The following METAP1D variants were observed in gnomAD, a reference collection of about 807,000 sequenced individuals.
The protein encoded by METAP1D is methionine aminopeptidase 1D, mitochondrial.
METAP1D carries 31 observed loss-of-function variants against 40.5 expected under a neutral mutation model. The ratio of observed to expected loss-of-function variants is 0.77; its 90% confidence interval spans 0.58 to 1.03. The LOEUF is 1.03. Among genes scored for constraint, METAP1D ranks in the 50% least tolerant of loss-of-function variants. The pLI is 0.00. For synonymous variants in METAP1D, 151 were observed against 146.4 expected, an observed-to-expected ratio of 1.03 and a Z score of -0.22; for missense variants, 411 against 420.7, an observed-to-expected ratio of 0.98 and a Z score of 0.20.
At chr2:172,054,037 C>A (rs1452210627) in intron 1 of METAP1D, among the ~76,000 whole-genome samples, 1 of 152,112 alleles carries the variant, frequency 6.6e-6, no homozygotes, top group Non-Finnish European at 1.5e-5. Flanking sequence ...CTCACATTTT[C>A]AGGGATAAAA....
At chr2:172,079,757 C>T (rs983324935) in intron 8 of METAP1D, among the ~76,000 whole-genome samples, 11 of 152,104 alleles carry the variant, frequency 7.2e-5, no homozygotes, top group Non-Finnish European at 1.5e-4. Context: ...ATGAACATCT[C>T]GAGCATGTTT....
chr2:172,075,922 C>T (rs111405792), intron 6 of METAP1D, among the ~76,000 whole-genome samples: 3 of 152,200 alleles, frequency 2.0e-5, no homozygotes, highest in Non-Finnish European at 2.9e-5. Context: ...TTCTATGATA[C>T]TCCTGGAGCC....
intron 2 of METAP1D, 142 bp from the exon 3 acceptor site, chr2:172,063,569 G>A (rs1690181709): frequency 1.5e-6 from 1 of 662,864 alleles, no homozygotes; most frequent in Admixed American, 2.8e-5. Flanking sequence ...GGGCAGCCTG[G>A]AGGGTCTGTT....
rs985244631 is a variant in METAP1D at position 172,081,165 on chromosome 2, T to TC, written c.*765dup. ...AGTCCAGAGGTGAAGTTTGAGGCCC[T>TC]CCCCCCACCCACCCCACACGCACGC... is the stretch of plus-strand genomic sequence containing the variant. On this transcript the variant is annotated 3_prime_UTR_variant, in exon 10 of 10. Coordinates refer to ENST00000315796, the MANE Select transcript of METAP1D (RefSeq NM_199227.3). 2 of 112,260 alleles carry TC rather than the reference T, an allele frequency of 1.8e-5. No individual in the cohort carries two copies. Among genetic ancestry groups the TC allele is most frequent in the African/African-American group, 6.7e-5 (2 of 29,772 alleles). The allele number at this position is 112,260 out of a possible 1,614,324, so 7.0% of individuals were successfully genotyped here.
rs183027844 is a variant in METAP1D, at chr2:172,006,605, G to A, written c.40+6596G>A. ...ATGGGAGAAGTACTATGTGTATGCAGAACTTCATTTGAACAACATCTAGTT... is the reference window on the plus strand; with the variant it reads ...ATGGGAGAAGTACTATGTGTATGCAAAACTTCATTTGAACAACATCTAGTT... On this transcript the variant is annotated intron_variant, in intron 1 of 9. Coordinates refer to ENST00000315796, the MANE Select transcript of METAP1D (RefSeq NM_199227.3). Among the ~76,000 whole-genome samples, 365 of 152,320 alleles carry A rather than the reference G, an allele frequency of 2.4e-3. 1 individual carries two copies. Among genetic ancestry groups the A allele is most frequent in the Middle Eastern group, 0.01 (3 of 294 alleles).
intron 7 of METAP1D, among the ~76,000 whole-genome samples, chr2:172,078,141 G>T (rs888607520): frequency 6.6e-6 from 1 of 152,164 alleles, no homozygotes; most frequent in Non-Finnish European, 1.5e-5. Flanking sequence ...TTCTCCTGAA[G>T]GGTGCATGGC....
At chr2:172,009,166 G>C (rs1449258306) in intron 1 of METAP1D, among the ~76,000 whole-genome samples, 1 of 151,620 alleles carries the variant, frequency 6.6e-6, no homozygotes, top group East Asian at 1.9e-4. Flanking sequence ...TCAGCCTCCC[G>C]AGTAGCTGGG....
At chr2:172,007,181 T>C (rs1019041674) in intron 1 of METAP1D, among the ~76,000 whole-genome samples, 2 of 128,170 alleles carry the variant, frequency 1.6e-5, no homozygotes, top group South Asian at 2.8e-4. Context: ...TTTTTTTTTT[T>C]TTTTTAAGAG....
chr2:172,053,204 T>C (rs1689926749), intron 1 of METAP1D, among the ~76,000 whole-genome samples: 1 of 152,224 alleles, frequency 6.6e-6, no homozygotes, highest in Non-Finnish European at 1.5e-5. Context: ...AGTGTTCTCA[T>C]GGACTTGAAG....
At position 172,058,333 on chromosome 2, in the gene METAP1D, C is replaced by T. The variant is rs118077889; in HGVS notation, c.41-3165C>T. The stretch of plus-strand genomic sequence containing the variant: ...TTCTTATTTCAATTCTCACCTGAGA[C>T]TGAAATGAAGAAACTTGTGCAGGGC... On this transcript the variant is annotated intron_variant, in intron 1 of 9. Coordinates refer to ENST00000315796, the MANE Select transcript of METAP1D (RefSeq NM_199227.3). Among the ~76,000 whole-genome samples the T allele has an allele frequency of 7.4e-3, 1,129 of 152,292 alleles. 15 individuals carry two copies. Among genetic ancestry groups the T allele is most frequent in the East Asian group, 0.033 (170 of 5,190 alleles).
chr2:172,048,370 C>A (rs1689807785), intron 1 of METAP1D, among the ~76,000 whole-genome samples: 1 of 152,168 alleles, frequency 6.6e-6, no homozygotes, highest in African/African-American at 2.4e-5. Context: ...GAGTGCTTAC[C>A]TTATGCCACT....
intron 1 of METAP1D, among the ~76,000 whole-genome samples, chr2:172,037,401 T>C (rs529619444): frequency 4.7e-4 from 71 of 152,038 alleles, no homozygotes; most frequent in South Asian, 3.3e-3. Context: ...ACTGCTACGC[T>C]AGAGACCAGA....
At chr2:172,073,188 G>T (rs1249675842) in intron 6 of METAP1D, among the ~76,000 whole-genome samples, 4 of 152,134 alleles carry the variant, frequency 2.6e-5, no homozygotes, top group African/African-American at 9.7e-5. Context: ...TCAAGTGGCG[G>T]CTGGGTGCTG....
chr2:172,032,067 A>G (rs12996935), intron 1 of METAP1D, among the ~76,000 whole-genome samples: 40,247 of 152,036 alleles, frequency 0.26, 6,075 homozygotes, highest in Middle Eastern at 0.4. Context: ...CATAGCCATA[A>G]TTTCAATAGC....
At chr2:172,001,024 G>C (rs937511985) in intron 1 of METAP1D, among the ~76,000 whole-genome samples, 4 of 152,078 alleles carry the variant, frequency 2.6e-5, no homozygotes, top group African/African-American at 9.7e-5. Flanking sequence ...CAAAAACCCA[G>C]TGAGTTAGGA....
intron 2 of METAP1D, chr2:172,061,865 T>C (rs1690150456): frequency 2.8e-6 from 1 of 356,748 alleles, no homozygotes; most frequent in Non-Finnish European, 5.0e-6. Flanking sequence ...AAGCTTTCAA[T>C]TGCTTAGAGT....
chr2:172,035,150 TTTTTTTTGTTTG>T (rs1689341540), intron 1 of METAP1D, among the ~76,000 whole-genome samples: 1 of 143,226 alleles, frequency 7.0e-6, no homozygotes, highest in Non-Finnish European at 1.5e-5. Flanking sequence ...GTACTGTGTT[TTTTTTTTGTTTG>T]TTTGTTTGTT....
chr2:172,035,325 C>T (rs1274912962), intron 1 of METAP1D, among the ~76,000 whole-genome samples: 6 of 152,134 alleles, frequency 3.9e-5, no homozygotes, highest in East Asian at 1.9e-4. Context: ...CCACCACGCC[C>T]GGCTAACTTT....
At chr2:172,026,179 C>T (rs753798464) in intron 1 of METAP1D, among the ~76,000 whole-genome samples, 4 of 152,066 alleles carry the variant, frequency 2.6e-5, no homozygotes, top group Non-Finnish European at 4.4e-5. Flanking sequence ...TGTTTTTCCC[C>T]TTGTGGTTTA....
Sources: allele counts gnomAD v4.1 joint callset (sites outside exome capture counted in the v4.1 genomes callset), GRCh38; gene constraint gnomAD v4.1.1; transcripts MANE v1.5; gene names NCBI Gene and HGNC (gene_info 2026-07-23, HGNC 2026-07-21).